TTN: variants seen among roughly 807,000 people sequenced by gnomAD.
The protein encoded by TTN is titin.
Under a neutral mutation model 3,223.0 loss-of-function variants are expected in TTN, and 1,525 were observed. The ratio of observed to expected loss-of-function variants is 0.47; its 90% confidence interval spans 0.45 to 0.49. TTN has a LOEUF of 0.49. TTN is among the 20% of genes least tolerant of loss of function. The pLI, the probability that TTN is intolerant of heterozygous loss-of-function variation, is 0.00. For synonymous variants in TTN, 14,094 were observed against 15,161.0 expected, an observed-to-expected ratio of 0.93 and a Z score of 5.17; for missense variants, 40,786 against 43,424.0, an observed-to-expected ratio of 0.94 and a Z score of 5.40.
Position 178,567,323 on chromosome 2 carries a change from T to A in TTN, c.78809A>T (p.Asn26270Ile). The A allele has an allele frequency of 2.5e-6, 4 of 1,605,256 alleles. No individual in the cohort carries two copies. Among genetic ancestry groups the A allele is most frequent in the Non-Finnish European group, 3.4e-6 (4 of 1,176,870 alleles). The change falls in exon 326 of 363, where the codon AAT becomes ATT. Residue 26270 changes from asparagine to isoleucine, a missense_variant. Asn to Ile is a moderately radical substitution (Grantham distance 149). Coordinates refer to ENST00000589042, the MANE Select transcript of TTN (RefSeq NM_001267550.2). Reference sequence around the variant, plus strand: ...TGGGAATGACTTAGAACCTGCAACATTGGAAGCTCTTAAAATATACTGCCC... The same window carrying A: ...TGGGAATGACTTAGAACCTGCAACAATGGAAGCTCTTAAAATATACTGCCC... ...DGGQYILRAS[N>I]VAGSKSFPVN...
At chr2:178,649,214 T>G in intron 213 of TTN, 34 bp downstream of exon 213, 1 of 1,427,136 alleles carries the variant, frequency 7.0e-7, no homozygotes, top group Non-Finnish European at 9.3e-7. Flanking sequence ...TAAATAGCAG[T>G]TAGAGAAATC....
Position 178,615,681 on chromosome 2 carries a change from A to C in TTN, c.48420T>G (p.Pro16140=). ...TATTTACAGGTTCATCAACATATGCAGGTTCTCCAGGGCCACATTTGTTAC... is the reference window on the plus strand; with the variant it reads ...TATTTACAGGTTCATCAACATATGCCGGTTCTCCAGGGCCACATTTGTTAC... The part of the protein sequence containing the change: ...CARNKCGPGE[P]AYVDEPVNMS... The change falls in exon 258 of 363, where the codon CCT becomes CCG. Residue 16140 remains proline (P), a synonymous_variant. Coordinates refer to ENST00000589042, the MANE Select transcript of TTN (RefSeq NM_001267550.2). 6.2e-7 allele frequency: 1 copy of C among 1,612,590 alleles called. No individual in the cohort carries two copies. The highest frequency in any genetic ancestry group is 1.3e-5 in the African/African-American group (1 of 74,932).
chr2:178,789,609 C>T, intron 12 of TTN, 112 bp from the exon 13 acceptor site: 1 of 1,388,052 alleles, frequency 7.2e-7, no homozygotes, highest in Non-Finnish European at 1.0e-6. Flanking sequence ...GGGTTAAATA[C>T]ACAAGAGAAA....
chr2:178,749,138 T>C, intron 47 of TTN: 2 of 1,612,746 alleles, frequency 1.2e-6, no homozygotes, highest in Non-Finnish European at 1.7e-6. Context: ...AGAGTGAATA[T>C]TTGGTAAATA....
chr2:178,768,422 T>G (rs1056288564), intron 38 of TTN, among the ~76,000 whole-genome samples: 16 of 152,204 alleles, frequency 1.1e-4, no homozygotes, highest in African/African-American at 3.9e-4. Context: ...TTTGTGTATC[T>G]TGGACATTTC....
rs753005176 is a variant in TTN, at chr2:178,704,672, A to G, written c.29800T>C (p.Trp9934Arg). The G allele has an allele frequency of 3.7e-6, 6 of 1,612,068 alleles. No homozygotes were observed. The highest frequency in any genetic ancestry group is 4.2e-6 in the Non-Finnish European group (5 of 1,178,904). ...TCCAGTTTTTCAGTTCCTTTGTACC[A>G]CGAAAGCTTGATTTCTGGATAATTA... ...KINYPEIKLSWYKGTEKLEPS... is the reference protein window; with the variant it reads ...KINYPEIKLSRYKGTEKLEPS... Residue 9934 changes from tryptophan (W) to arginine (R), a missense_variant, in exon 105 of 363, where the codon TGG (tryptophan) becomes CGG (arginine). Trp to Arg is a moderately radical substitution (Grantham distance 101). Transcript: ENST00000589042.
Position 178,560,971 on chromosome 2 carries a change from T to C in TTN, c.85161A>G (p.Pro28387=). ...TACCATCCTTGGCCCAGGAAATTAC[T>C]GGCAGAGGTCGCCCTGCAATGTCTG... is the stretch of plus-strand genomic sequence containing the variant. ...INADIAGRPL[P]VISWAKDGIE... The change falls in exon 326 of 363, where the codon CCA becomes CCG. Residue 28387 remains proline (P), a synonymous_variant. Transcript: ENST00000589042. The C allele has an allele frequency of 6.2e-7, 1 of 1,613,862 alleles. No individual in the cohort carries two copies. Among genetic ancestry groups the C allele is most frequent in the Non-Finnish European group, 8.5e-7 (1 of 1,179,804 alleles).
chr2:178,660,535 G>A (rs1475587177), intron 180 of TTN, among the ~76,000 whole-genome samples: 41 of 134,222 alleles, frequency 3.1e-4, no homozygotes, highest in Non-Finnish European at 1.6e-5. Flanking sequence ...ATTCAAGATG[G>A]AGTAAAGACT....
chr2:178,583,756 G>T lies in TTN; in HGVS notation c.65426C>A (p.Thr21809Asn), dbSNP rs756088419. The T allele has an allele frequency of 1.9e-6, 3 of 1,611,654 alleles. No individual in the cohort carries two copies. The highest frequency in any genetic ancestry group is 2.5e-6 in the Non-Finnish European group (3 of 1,178,918). Residue 21809 changes from threonine (T) to asparagine (N), a missense_variant, in exon 312 of 363, where the codon ACT becomes AAT. Transcript: ENST00000589042. ...LPGDKWVRCN[T>N]APHQIPQEEY... ...TTCCTGGGGAATCTGGTGAGGTGCA[G>T]TATTGCACCGTACCCATTTATCACC... is the stretch of plus-strand genomic sequence containing the variant.
rs755153359 is a variant in TTN at position 178,611,117 on chromosome 2, C to A, written c.51012G>T (p.Lys17004Asn). ...CAAGGTGTGCAGAGATGTGATCATT[C>A]TTCATTGTTAATCTATCACTTGCTT... is the stretch of plus-strand genomic sequence containing the variant. ...EVKASDRLTM[K>N]NDHISAHLEV... is the part of the protein sequence containing the mutation. Residue 17004 changes from lysine (K) to asparagine (N), a missense_variant, in exon 270 of 363, where the codon AAG becomes AAT. Physicochemically the swap from Lys to Asn is moderately conservative, Grantham distance 94. Coordinates refer to ENST00000589042, the MANE Select transcript of TTN (RefSeq NM_001267550.2). The A allele has an allele frequency of 3.7e-6, 6 of 1,612,832 alleles. No individual in the cohort carries two copies. The highest frequency in any genetic ancestry group is 5.1e-6 in the Non-Finnish European group (6 of 1,179,232).
At chr2:178,796,107 T>C (rs2093755722) in intron 6 of TTN, among the ~76,000 whole-genome samples, 1 of 152,212 alleles carries the variant, frequency 6.6e-6, no homozygotes, top group Non-Finnish European at 1.5e-5. Flanking sequence ...TAGCATCAGT[T>C]GAAGAATTTG....
Position 178,546,074 on chromosome 2 carries a change from G to A in TTN, c.95162C>T (p.Thr31721Ile). Residue 31721 changes from threonine to isoleucine, a missense_variant, in exon 343 of 363, where the codon ACA becomes ATA. Thr to Ile is a moderately conservative substitution (Grantham distance 89). Coordinates refer to ENST00000589042, the MANE Select transcript of TTN (RefSeq NM_001267550.2). ...PCGKLTVSRV[T>I]QEKCTLAWSL... ...CCAGGCTAAAGTGCACTTCTCCTGTGTTACTCTGCTGACGGTGAGCTTTCC... is the reference window on the plus strand; with the variant it reads ...CCAGGCTAAAGTGCACTTCTCCTGTATTACTCTGCTGACGGTGAGCTTTCC... 1 of 1,612,982 alleles carries A rather than the reference G, an allele frequency of 6.2e-7. No homozygotes were observed. Among genetic ancestry groups the A allele is most frequent in the Non-Finnish European group, 8.5e-7 (1 of 1,179,188 alleles).
At chr2:178,628,135 C>G (rs1360056414) in intron 240 of TTN, among the ~76,000 whole-genome samples, 1 of 152,008 alleles carries the variant, frequency 6.6e-6, no homozygotes, top group African/African-American at 2.4e-5. Flanking sequence ...GCAGGCGTTA[C>G]CTATCAGATG....
Position 178,547,707 on chromosome 2 carries a change from C to T in TTN, c.93919G>A (p.Gly31307Arg), listed in dbSNP as rs535927586. The T allele has an allele frequency of 2.9e-5, 47 of 1,613,888 alleles. No individual in the cohort carries two copies. The highest frequency in any genetic ancestry group is 4.4e-5 in the South Asian group (4 of 91,078). ...KTFSVTVVVI[G>R]RPGPVTGPIE... ...GGGCCGGTTACTGGACCTGGCCTTCCAATGACCACAACTGTGACGCTAAAT... is the reference window on the plus strand; with the variant it reads ...GGGCCGGTTACTGGACCTGGCCTTCTAATGACCACAACTGTGACGCTAAAT... Residue 31307 changes from glycine (G) to arginine (R), a missense_variant, in exon 339 of 363, where the codon GGA becomes AGA. Coordinates refer to ENST00000589042, the MANE Select transcript of TTN (RefSeq NM_001267550.2).
In TTN at chr2:178,784,201, G is replaced by C. The variant is rs2093002557; in HGVS notation, c.2644C>G (p.Pro882Ala). The C allele has an allele frequency of 1.9e-6, 3 of 1,614,154 alleles. No individual in the cohort carries two copies. The highest frequency in any genetic ancestry group is 8.5e-7 in the Non-Finnish European group (1 of 1,180,012). Residue 882 changes from proline to alanine, a missense_variant, in exon 16 of 363, where the codon CCC becomes GCC. Coordinates refer to ENST00000589042, the MANE Select transcript of TTN (RefSeq NM_001267550.2). ...RAEPTPLPQF[P>A]FADTPDTYKS... ...TAAGTATCTGGTGTGTCAGCGAAGG[G>C]GAACTGTGGCAAGGGTGTGGGCTCT...
At chr2:178,757,229 A>ACTGTACTTGCTGTAAGT (rs1398848581) in intron 45 of TTN, among the ~76,000 whole-genome samples, 1 of 149,626 alleles carries the variant, frequency 6.7e-6, no homozygotes, top group Non-Finnish European at 1.5e-5. Context: ...AGTAAGTAAT[A>ACTGTACTTGCTGTAAGT]ATCAGCAAAT....
chr2:178,535,811 T>A lies in TTN; in HGVS notation c.100804A>T (p.Met33602Leu), dbSNP rs759368043. Residue 33602 changes from methionine (M) to leucine (L), a missense_variant, in exon 358 of 363, where the codon ATG becomes TTG. Met to Leu is a conservative substitution (Grantham distance 15, BLOSUM62 2). Transcript: ENST00000589042. ...CCTCGGAGAGCATGAACTGCTCCCATGCCTTCAAGAGTTTTAGGTAAGTGT... is the reference window on the plus strand; with the variant it reads ...CCTCGGAGAGCATGAACTGCTCCCAAGCCTTCAAGAGTTTTAGGTAAGTGT... ...KIHLPKTLEG[M>L]GAVHALRGEV... The A allele has an allele frequency of 6.2e-7, 1 of 1,606,478 alleles. No individual in the cohort carries two copies. Among genetic ancestry groups the A allele is most frequent in the East Asian group, 2.2e-5 (1 of 44,750 alleles).
chr2:178,632,065 A>C, intron 236 of TTN, 82 bp downstream of exon 236: 1 of 1,414,380 alleles, frequency 7.1e-7, no homozygotes. Flanking sequence ...TATAACACTT[A>C]GAAGACTATT....
At position 178,567,938 on chromosome 2, in the gene TTN, A is replaced by C. The variant is rs931947649; in HGVS notation, c.78194T>G (p.Val26065Gly). 6 of 1,613,214 alleles carry C rather than the reference A, an allele frequency of 3.7e-6. No individual in the cohort carries two copies. Among genetic ancestry groups the C allele is most frequent in the Admixed American group, 1.7e-5 (1 of 59,950 alleles). The part of the protein sequence containing the change: ...LEEGIEYEFR[V>G]YAENIVGVGK... ...TACACCAACAATATTTTCAGCATAC[A>C]CTCTGAATTCATATTCAATGCCTTC... Residue 26065 changes from valine to glycine, a missense_variant, in exon 326 of 363, where the codon GTG (valine) becomes GGG (glycine). Val to Gly is a moderately radical substitution (Grantham distance 109, BLOSUM62 -3). Coordinates refer to ENST00000589042, the MANE Select transcript of TTN (RefSeq NM_001267550.2).
Sources: gnomAD v4.1 joint callset for allele counts (sites outside exome capture counted in the v4.1 genomes callset) on GRCh38, gnomAD v4.1.1 for gene constraint, MANE v1.5 for transcripts, NCBI Gene and HGNC (gene_info 2026-07-23, HGNC 2026-07-21) for gene names.